Variants in ARHGAP10 observed in about 807,000 individuals in gnomAD.
The protein encoded by ARHGAP10 is Rho GTPase activating protein 10.
Under a neutral mutation model 108.6 loss-of-function variants are expected in ARHGAP10, and 87 were observed. The ratio of observed to expected loss-of-function variants is 0.80; its 90% CI spans 0.67 to 0.96. The LOEUF (loss-of-function observed/expected upper bound fraction) is 0.96. Among genes scored for constraint, ARHGAP10 ranks in the 40% least tolerant of loss-of-function variants. The pLI, the probability that ARHGAP10 is intolerant of heterozygous loss-of-function variation, is 0.00. For missense variants in ARHGAP10, 939 were observed against 954.5 expected, an observed-to-expected ratio of 0.98 and a Z score of 0.21; for synonymous variants, 347 against 341.1, an observed-to-expected ratio of 1.02 and a Z score of -0.19.
rs115298858 is a variant in ARHGAP10, at chr4:147,885,964, C to G, written c.1034+4032C>G. Among the ~76,000 whole-genome samples, 948 of 152,300 alleles carry G rather than the reference C, an allele frequency of 6.2e-3. 11 individuals carry two copies. Among genetic ancestry groups the G allele is most frequent in the African/African-American group, 0.022 (914 of 41,560 alleles). ...ATTTTTTAGCACTGGCATAATGCCA[C>G]AAGTGGAGAATTCCATACCTGACCT... On this transcript the variant is annotated intron_variant, in intron 10 of 22. Transcript: ENST00000336498.
intron 18 of ARHGAP10, among the ~76,000 whole-genome samples, chr4:148,011,252 T>C (rs752922426): frequency 5.3e-5 from 8 of 152,220 alleles, no homozygotes; most frequent in Non-Finnish European, 1.0e-4. Flanking sequence ...GAAACAATCT[T>C]GTTATTTTCA....
intron 1 of ARHGAP10, among the ~76,000 whole-genome samples, chr4:147,765,983 C>T (rs1183004816): frequency 6.6e-6 from 1 of 152,068 alleles, no homozygotes; most frequent in East Asian, 1.9e-4. Context: ...TCTCAAGTCC[C>T]TTATGAAATG....
chr4:147,956,046 A>C (rs1662501511), intron 16 of ARHGAP10, among the ~76,000 whole-genome samples: 1 of 152,078 alleles, frequency 6.6e-6, no homozygotes, highest in South Asian at 2.1e-4. Context: ...TCTGAAGTAC[A>C]CTGGTGTTAG....
intron 18 of ARHGAP10, among the ~76,000 whole-genome samples, chr4:148,017,148 A>G (rs1475694281): frequency 3.9e-5 from 6 of 152,236 alleles, no homozygotes; most frequent in African/African-American, 1.4e-4. Context: ...GGTCTGATCT[A>G]ATGCTAATGG....
intron 1 of ARHGAP10, among the ~76,000 whole-genome samples, chr4:147,796,593 C>T (rs1428642585): frequency 1.3e-5 from 2 of 152,144 alleles, no homozygotes; most frequent in East Asian, 1.9e-4. Context: ...GGTGTCATCT[C>T]GGCTTAACTG....
At chr4:147,943,173 C>T (rs773666758) in intron 14 of ARHGAP10, among the ~76,000 whole-genome samples, 9 of 152,144 alleles carry the variant, frequency 5.9e-5, no homozygotes, top group Admixed American at 1.3e-4. Flanking sequence ...TAGTTTAAAA[C>T]ATCAGAGTGG....
intron 19 of ARHGAP10, among the ~76,000 whole-genome samples, chr4:148,046,038 A>G (rs1047539057): frequency 6.6e-6 from 1 of 152,146 alleles, no homozygotes; most frequent in Non-Finnish European, 1.5e-5. Context: ...TTTAATGGGG[A>G]CTGAGGATTA....
chr4:148,047,429 A>T (rs1728939359), intron 20 of ARHGAP10, among the ~76,000 whole-genome samples: 1 of 152,250 alleles, frequency 6.6e-6, no homozygotes, highest in African/African-American at 2.4e-5. Context: ...CTGTAGAATG[A>T]TATTTTACTT....
intron 18 of ARHGAP10, among the ~76,000 whole-genome samples, chr4:147,987,990 G>C (rs1050117205): frequency 7.2e-5 from 11 of 152,222 alleles, no homozygotes; most frequent in African/African-American, 2.7e-4. Flanking sequence ...CTCTCCAGCA[G>C]TGTGAGAAAA....
rs544868768 is a variant in ARHGAP10 at position 147,766,353 on chromosome 4, A to G, written c.154+33898A>G. Among the ~76,000 whole-genome samples the G allele has an allele frequency of 2.6e-5, 4 of 152,168 alleles. No homozygotes were observed. In the South Asian group the frequency reaches 6.2e-4, roughly 24 times the overall value. On this transcript the variant is annotated intron_variant, in intron 1 of 22. Coordinates refer to ENST00000336498, the MANE Select transcript of ARHGAP10 (RefSeq NM_024605.4). ...CATGTCCTCCCATATGCTTTAAATC[A>G]TCTCTACATTACTTACGATACTTAA...
chr4:147,860,317 C>T (rs935319610), intron 5 of ARHGAP10, among the ~76,000 whole-genome samples: 1 of 152,172 alleles, frequency 6.6e-6, no homozygotes, highest in Non-Finnish European at 1.5e-5. Context: ...TGGCAGGTGC[C>T]TGCAGTCCCA....
intron 8 of ARHGAP10, among the ~76,000 whole-genome samples, chr4:147,877,819 CT>C (rs549355620): frequency 2.4e-3 from 318 of 131,296 alleles, no homozygotes; most frequent in Admixed American, 2.2e-3. Flanking sequence ...ATTCTTCATA[CT>C]TTTTTTTTTT....
intron 19 of ARHGAP10, among the ~76,000 whole-genome samples, chr4:148,039,314 A>C (rs1362987215): frequency 6.8e-6 from 1 of 147,124 alleles, no homozygotes; most frequent in Non-Finnish European, 1.5e-5. Context: ...CAGTTTGAAT[A>C]TATAATTCTC....
chr4:147,828,951 C>T (rs1364059903), intron 3 of ARHGAP10, among the ~76,000 whole-genome samples: 1 of 151,008 alleles, frequency 6.6e-6, no homozygotes, highest in Non-Finnish European at 1.5e-5. Flanking sequence ...GATCTCAGCT[C>T]AGCTGCAACT....
intron 19 of ARHGAP10, among the ~76,000 whole-genome samples, chr4:148,044,893 C>T (rs943888077): frequency 1.3e-5 from 2 of 152,170 alleles, no homozygotes; most frequent in Non-Finnish European, 2.9e-5. Flanking sequence ...CTTCTATTGG[C>T]GCTGAGTTTC....
At position 147,741,794 on chromosome 4, in the gene ARHGAP10, A is replaced by ACACACACG. The variant is rs1553944882; in HGVS notation, c.154+9346_154+9347insGCACACAC. Among the ~76,000 whole-genome samples, 138 of 25,308 alleles carry ACACACACG rather than the reference A, an allele frequency of 5.5e-3. No homozygotes were observed. The South Asian group carries it at 0.19, about 35-fold the overall frequency. The allele number at this position is 25,308 out of a possible 152,430, so 16.6% of individuals were successfully genotyped here. A position where few individuals can be genotyped will look rare whatever the true frequency, so the allele number is the denominator to read the frequency against. On this transcript the variant is annotated intron_variant, in intron 1 of 22. Transcript: ENST00000336498. ...CACACACACACACACACACACACGC[A>ACACACACG]CACACACACACACACACACACACAC...
chr4:148,052,391 G>GTTTTT (rs1560894068), intron 20 of ARHGAP10, among the ~76,000 whole-genome samples: 1 of 88,002 alleles, frequency 1.1e-5, no homozygotes, highest in African/African-American at 4.7e-5. Context: ...TTGCACATTT[G>GTTTTT]CTTTTTTTTT....
chr4:147,792,444 C>G (rs1456102074), intron 1 of ARHGAP10, among the ~76,000 whole-genome samples: 3 of 152,170 alleles, frequency 2.0e-5, no homozygotes, highest in South Asian at 2.1e-4. Flanking sequence ...TGATTCACAA[C>G]CCATTATTAT....
chr4:147,763,315 G>GT (rs771156855), intron 1 of ARHGAP10, among the ~76,000 whole-genome samples: 20,649 of 138,882 alleles, frequency 0.15, 3,004 homozygotes, highest in African/African-American at 0.38. Context: ...GTAGATAATA[G>GT]TTTTTTTTTT....
Sources: allele counts gnomAD v4.1 joint callset (sites outside exome capture counted in the v4.1 genomes callset), GRCh38; gene constraint gnomAD v4.1.1; transcripts MANE v1.5; gene names NCBI Gene and HGNC (gene_info 2026-07-23, HGNC 2026-07-21).